Variants in ARHGAP10 observed in about 807,000 individuals in gnomAD.
ARHGAP10 encodes rho GTPase-activating protein 10.
In ARHGAP10, 87 loss-of-function variants were observed where a neutral mutation model predicts 108.6. The observed-to-expected ratio is 0.80, with a 90% CI of 0.67 to 0.96. The LOEUF (loss-of-function observed/expected upper bound fraction) is 0.96. Ranked by LOEUF, ARHGAP10 falls within the 40% of genes least tolerant of loss-of-function variation. The pLI is 0.00. For synonymous variants in ARHGAP10, 347 were observed against 341.1 expected, an observed-to-expected ratio of 1.02 and a Z score of -0.19; for missense variants, 939 against 954.5, an observed-to-expected ratio of 0.98 and a Z score of 0.21.
chr4:147,882,698 T>C (rs940304120), intron 10 of ARHGAP10, among the ~76,000 whole-genome samples: 1 of 152,192 alleles, frequency 6.6e-6, no homozygotes, highest in Non-Finnish European at 1.5e-5. Context: ...GTGAATTCTT[T>C]TTTTTCCTTA....
At chr4:148,008,223 CTT>C (rs996836774) in intron 18 of ARHGAP10, among the ~76,000 whole-genome samples, 2 of 152,078 alleles carry the variant, frequency 1.3e-5, no homozygotes, top group African/African-American at 4.8e-5. Flanking sequence ...TTACTGGTCT[CTT>C]TGTTTCCAAC....
At chr4:148,059,767 T>C (rs1729522568) in intron 20 of ARHGAP10, among the ~76,000 whole-genome samples, 2 of 152,290 alleles carry the variant, frequency 1.3e-5, no homozygotes, top group African/African-American at 2.4e-5. Context: ...TCCGGGATGC[T>C]GGCAGAAGGC....
chr4:148,005,656 C>T (rs941332710), intron 18 of ARHGAP10, among the ~76,000 whole-genome samples: 6 of 152,110 alleles, frequency 3.9e-5, no homozygotes, highest in East Asian at 1.9e-4. Context: ...CTGGAGGGAC[C>T]AGGTTTTAAT....
intron 1 of ARHGAP10, among the ~76,000 whole-genome samples, chr4:147,737,344 G>A (rs1036854090): frequency 1.7e-5 from 1 of 58,188 alleles, no homozygotes; most frequent in African/African-American, 6.4e-5. Context: ...TTTTTTTTTT[G>A]TAAAGACAGG....
chr4:147,990,734 G>T (rs1740239828), intron 18 of ARHGAP10, among the ~76,000 whole-genome samples: 1 of 152,102 alleles, frequency 6.6e-6, no homozygotes, highest in Non-Finnish European at 1.5e-5. Context: ...AGTACATAGG[G>T]ACACAAAAAG....
Position 147,965,229 on chromosome 4 carries a change from A to T in ARHGAP10, c.1556+100A>T, listed in dbSNP as rs1739161548. 5 of 755,104 alleles carry T rather than the reference A, an allele frequency of 6.6e-6. 1 individual carries two copies. Among genetic ancestry groups the T allele is most frequent in the Non-Finnish European group, 1.0e-5 (5 of 487,204 alleles). 46.8% of individuals were successfully genotyped at this position (755,104 alleles called of 1,614,324 possible). The stretch of plus-strand genomic sequence containing the variant: ...GGGTGGAACTGGGGACCACACCTGG[A>T]AGGGCAGGCTGAACGTTTGACTCAT... On this transcript the variant is annotated intron_variant, in intron 17 of 22. Coordinates refer to ENST00000336498, the MANE Select transcript of ARHGAP10 (RefSeq NM_024605.4).
At chr4:147,989,272 G>A in intron 18 of ARHGAP10, among the ~76,000 whole-genome samples, 1 of 152,164 alleles carries the variant, frequency 6.6e-6, no homozygotes, top group Non-Finnish European at 1.5e-5. Context: ...GTGGAGGCAG[G>A]GCGAGATCAC....
rs1560899566 is a variant in ARHGAP10 at position 148,063,018 on chromosome 4, G to A, written c.2028-130G>A. Reference sequence around the variant, plus strand: ...CTGCAGCCCCGGCAGGATGCAGAGAGGACTCTGTCCCTACTGGTCAGGCAT... The same window carrying A: ...CTGCAGCCCCGGCAGGATGCAGAGAAGACTCTGTCCCTACTGGTCAGGCAT... On this transcript the variant is annotated intron_variant, in intron 20 of 22. Coordinates refer to ENST00000336498, the MANE Select transcript of ARHGAP10 (RefSeq NM_024605.4). 4 of 1,146,174 alleles carry A rather than the reference G, an allele frequency of 3.5e-6. No individual in the cohort carries two copies. In the East Asian group the frequency reaches 7.1e-5, roughly 20 times the overall value. The allele number at this position is 1,146,174 out of a possible 1,614,324, so 71.0% of individuals were successfully genotyped here.
At chr4:147,849,118 A>G (rs1183325513) in intron 4 of ARHGAP10, among the ~76,000 whole-genome samples, 2 of 152,066 alleles carry the variant, frequency 1.3e-5, no homozygotes, top group East Asian at 1.9e-4. Context: ...TTTTCCTGGT[A>G]GTTTTGTGTA....
chr4:147,773,415 T>C (rs1473993990), intron 1 of ARHGAP10, among the ~76,000 whole-genome samples: 1 of 152,176 alleles, frequency 6.6e-6, no homozygotes, highest in Non-Finnish European at 1.5e-5. Flanking sequence ...CTTGGAATGT[T>C]ACCCTCCATA....
intron 19 of ARHGAP10, among the ~76,000 whole-genome samples, chr4:148,030,920 C>CT (rs1367449852): frequency 6.6e-6 from 1 of 151,926 alleles, no homozygotes; most frequent in Non-Finnish European, 1.5e-5. Context: ...GGGGCCAGGC[C>CT]TAGTGGCTCA....
intron 1 of ARHGAP10, among the ~76,000 whole-genome samples, chr4:147,798,547 A>C (rs1333003906): frequency 6.6e-6 from 1 of 151,328 alleles, no homozygotes; most frequent in African/African-American, 2.4e-5. Flanking sequence ...TGGGCAGCCT[A>C]GGTGGGTGGA....
At chr4:148,013,243 G>A (rs1389774409) in intron 18 of ARHGAP10, among the ~76,000 whole-genome samples, 1 of 152,128 alleles carries the variant, frequency 6.6e-6, no homozygotes, top group African/African-American at 2.4e-5. Flanking sequence ...GAAAGTATTG[G>A]ATTCTCTCTT....
At chr4:147,957,414 T>TA (rs1270002669) in intron 16 of ARHGAP10, among the ~76,000 whole-genome samples, 1 of 152,130 alleles carries the variant, frequency 6.6e-6, no homozygotes, top group Non-Finnish European at 1.5e-5. Context: ...TCGAATAAAA[T>TA]AGTTACAGAA....
At chr4:147,816,684 G>A (rs1732261725) in intron 1 of ARHGAP10, among the ~76,000 whole-genome samples, 1 of 152,208 alleles carries the variant, frequency 6.6e-6, no homozygotes. Context: ...TCTAAAAAAT[G>A]AGTTAGTTAT....
chr4:148,001,788 G>A (rs1258890151), intron 18 of ARHGAP10, among the ~76,000 whole-genome samples: 15 of 152,200 alleles, frequency 9.9e-5, no homozygotes, highest in Non-Finnish European at 1.6e-4. Context: ...TGCTGAAGTT[G>A]CTTACCAGCT....
At chr4:148,067,107 C>A (rs1729918375) in intron 22 of ARHGAP10, among the ~76,000 whole-genome samples, 1 of 152,180 alleles carries the variant, frequency 6.6e-6, no homozygotes, top group African/African-American at 2.4e-5. Flanking sequence ...TCTCTCCCTA[C>A]CCAGGGATGT....
intron 18 of ARHGAP10, among the ~76,000 whole-genome samples, chr4:147,983,012 C>G (rs948646404): frequency 6.6e-6 from 1 of 151,782 alleles, no homozygotes; most frequent in African/African-American, 2.4e-5. Flanking sequence ...TTCCTAGTAG[C>G]TGGACTCCAG....
intron 1 of ARHGAP10, among the ~76,000 whole-genome samples, chr4:147,751,968 C>T (rs1406309188): frequency 6.6e-6 from 1 of 151,232 alleles, no homozygotes; most frequent in Non-Finnish European, 1.5e-5. Context: ...TCACTGCCAC[C>T]TCTGACTCCC....
Sources: gnomAD v4.1 joint callset for allele counts (sites outside exome capture counted in the v4.1 genomes callset) on GRCh38, gnomAD v4.1.1 for gene constraint, MANE v1.5 for transcripts, NCBI Gene and HGNC (gene_info 2026-07-23, HGNC 2026-07-21) for gene names.